Variants in MAML3 observed in about 807,000 individuals in gnomAD.
MAML3 encodes the protein mastermind like transcriptional coactivator 3.
In MAML3, 27 loss-of-function variants were observed where a neutral mutation model predicts 101.9. The ratio of observed to expected loss-of-function variants is 0.27; its 90% confidence interval spans 0.20 to 0.37. The LOEUF (loss-of-function observed/expected upper bound fraction) is 0.37, where lower values mean the gene tolerates loss of function less well. Ranked by LOEUF, MAML3 falls within the 10% of genes least tolerant of loss-of-function variation. The pLI is 1.00. For synonymous variants in MAML3, 501 were observed against 555.9 expected (o/e 0.90, Z 1.39); for missense variants, 1,316 against 1,444.9 (o/e 0.91, Z 1.45).
At chr4:139,832,094 C>CTTTTTTTTTTTTTTTTTTTTTTTTTTT (rs70943444) in intron 2 of MAML3, among the ~76,000 whole-genome samples, 3 of 64,702 alleles carry the variant, frequency 4.6e-5, no homozygotes, top group Non-Finnish European at 1.0e-4. Flanking sequence ...TGCCCAGCCC[C>CTTTTTTTTTTTTTTTTTTTTTTTTTTT]TTTTTTTTTT....
intron 1 of MAML3, among the ~76,000 whole-genome samples, chr4:140,047,441 C>T (rs1439645307): frequency 1.3e-5 from 2 of 152,078 alleles, no homozygotes; most frequent in East Asian, 1.9e-4. Context: ...TTGCAGCGCC[C>T]GTATCTGAAT....
intron 2 of MAML3, among the ~76,000 whole-genome samples, chr4:139,772,867 C>G (rs1483583319): frequency 6.9e-6 from 1 of 145,898 alleles, no homozygotes; most frequent in East Asian, 2.1e-4. Context: ...ATCACGAAGT[C>G]AGGAGTTCGA....
At chr4:140,026,196 G>A (rs6536644) in intron 1 of MAML3, among the ~76,000 whole-genome samples, 126,645 of 151,980 alleles carry the variant, frequency 0.83, 53,699 homozygotes, top group Non-Finnish European at 0.91. Context: ...ACATATATAT[G>A]TGTGTGTGTG....
rs1041934491 is a variant in MAML3 at position 139,774,434 on chromosome 4, A to G, written c.2080-43767T>C. On this transcript the variant is annotated intron_variant, in intron 2 of 4. Coordinates refer to ENST00000509479, the MANE Select transcript of MAML3 (RefSeq NM_018717.5). ...TCAATCCATATCTGCCAAAAGGATAAAGGAACAAATGAACCAATGAATGAA... is the reference window on the plus strand; with the variant it reads ...TCAATCCATATCTGCCAAAAGGATAGAGGAACAAATGAACCAATGAATGAA... Among the ~76,000 whole-genome samples, 33 of 152,244 alleles carry G rather than the reference A, an allele frequency of 2.2e-4. 1 individual carries two copies. Among genetic ancestry groups the G allele is most frequent in the Non-Finnish European group, 4.4e-5 (3 of 68,050 alleles).
intron 1 of MAML3, among the ~76,000 whole-genome samples, chr4:140,058,895 G>C (rs1388210306): frequency 6.6e-6 from 1 of 152,222 alleles, no homozygotes; most frequent in Non-Finnish European, 1.5e-5. Context: ...GAATCGGTAT[G>C]AGACAAATGA....
chr4:140,090,401 A>C (rs950057558), intron 1 of MAML3, among the ~76,000 whole-genome samples: 12 of 152,376 alleles, frequency 7.9e-5, no homozygotes, highest in East Asian at 5.8e-4. Flanking sequence ...GAATGACAAT[A>C]ACAACACAGC....
chr4:139,733,441 G>A (rs2110998991), intron 2 of MAML3, among the ~76,000 whole-genome samples: 1 of 151,796 alleles, frequency 6.6e-6, no homozygotes, highest in South Asian at 2.1e-4. Flanking sequence ...TGCTTTCCCA[G>A]CCTCCTCTCC....
intron 1 of MAML3, among the ~76,000 whole-genome samples, chr4:140,137,957 C>T (rs1432973108): frequency 6.6e-6 from 1 of 152,236 alleles, no homozygotes; most frequent in African/African-American, 2.4e-5. Context: ...ACTACTGTTA[C>T]ATCTTTCTGA....
intron 1 of MAML3, among the ~76,000 whole-genome samples, chr4:140,039,126 A>T (rs947736066): frequency 2.0e-5 from 3 of 152,204 alleles, no homozygotes; most frequent in Non-Finnish European, 4.4e-5. Context: ...CCGTCTAAAA[A>T]AAAGAAAAAA....
At chr4:139,904,572 G>A (rs529444352) in intron 1 of MAML3, among the ~76,000 whole-genome samples, 1 of 152,328 alleles carries the variant, frequency 6.6e-6, no homozygotes, top group African/African-American at 2.4e-5. Flanking sequence ...GATGAAGTAA[G>A]GCTTCCTGCT....
chr4:140,044,371 T>C (rs1727144252), intron 1 of MAML3, among the ~76,000 whole-genome samples: 1 of 152,224 alleles, frequency 6.6e-6, no homozygotes, highest in African/African-American at 2.4e-5. Context: ...GAAAATTGTT[T>C]TGTATTATTG....
At chr4:140,102,223 T>C (rs35716367) in intron 1 of MAML3, among the ~76,000 whole-genome samples, 27,618 of 152,232 alleles carry the variant, frequency 0.18, 3,031 homozygotes, top group Middle Eastern at 0.35. Flanking sequence ...TATTCTCATA[T>C]AACTCTCTAT....
chr4:140,118,691 A>G (rs896906726), intron 1 of MAML3, among the ~76,000 whole-genome samples: 1 of 152,172 alleles, frequency 6.6e-6, no homozygotes, highest in African/African-American at 2.4e-5. Context: ...ATTTAAAAAT[A>G]TATATTTTGG....
intron 2 of MAML3, among the ~76,000 whole-genome samples, chr4:139,812,353 A>G (rs1197094777): frequency 6.6e-6 from 1 of 152,236 alleles, no homozygotes; most frequent in Non-Finnish European, 1.5e-5. Flanking sequence ...GAAATTCTGT[A>G]TTAGAAGTCG....
chr4:139,751,856 TTA>T (rs1729516063), intron 2 of MAML3, among the ~76,000 whole-genome samples: 1 of 152,230 alleles, frequency 6.6e-6, no homozygotes, highest in African/African-American at 2.4e-5. Context: ...TTCTTATCTC[TTA>T]TAGTGTCTGC....
intron 1 of MAML3, among the ~76,000 whole-genome samples, chr4:139,932,269 GA>G (rs1733416424): frequency 1.3e-5 from 2 of 151,092 alleles, no homozygotes; most frequent in South Asian, 2.1e-4. Flanking sequence ...TGATATCTTG[GA>G]ATTTTTTTAT....
chr4:139,996,917 T>C (rs1440195036), intron 1 of MAML3, among the ~76,000 whole-genome samples: 1 of 151,664 alleles, frequency 6.6e-6, no homozygotes, highest in East Asian at 1.9e-4. Context: ...AATTAGCCAG[T>C]GTGGTGGTAC....
At chr4:139,746,343 G>C (rs1210598876) in intron 2 of MAML3, among the ~76,000 whole-genome samples, 3 of 152,158 alleles carry the variant, frequency 2.0e-5, no homozygotes, top group African/African-American at 4.8e-5. Context: ...TATGATTGAA[G>C]TTAAGAATAC....
intron 1 of MAML3, among the ~76,000 whole-genome samples, chr4:139,899,076 C>G (rs1732665162): frequency 6.6e-6 from 1 of 152,192 alleles, no homozygotes; most frequent in Admixed American, 6.5e-5. Context: ...GCACAGGTAT[C>G]TAAAGAAACT....
Sources: allele counts gnomAD v4.1 joint callset (sites outside exome capture counted in the v4.1 genomes callset), GRCh38; gene constraint gnomAD v4.1.1; transcripts MANE v1.5; gene names NCBI Gene and HGNC (gene_info 2026-07-23, HGNC 2026-07-21).